The following TAB2 variants were observed in gnomAD, a reference collection of about 807,000 sequenced individuals.
TAB2 encodes TGF-beta-activated kinase 1 and MAP3K7-binding protein 2.
Under a neutral mutation model 65.0 loss-of-function variants are expected in TAB2, and 3 were observed. The observed-to-expected ratio is 0.05, with a 90% CI of 0.02 to 0.12. The LOEUF (loss-of-function observed/expected upper bound fraction) is 0.12. Among genes scored for constraint, TAB2 ranks in the 10% least tolerant of loss-of-function variants. The pLI is 1.00. For missense variants in TAB2, 623 were observed against 840.3 expected (o/e 0.74, Z 3.20); for synonymous variants, 298 against 285.1 (o/e 1.05, Z -0.46).
At chr6:149,389,425 C>G (rs1314602533) in intron 3 of TAB2, among the ~76,000 whole-genome samples, 1 of 151,882 alleles carries the variant, frequency 6.6e-6, no homozygotes, top group Non-Finnish European at 1.5e-5. Flanking sequence ...GCGGGTAGAT[C>G]ACCTGAGGTT....
At chr6:149,300,406 T>C (rs1040007604) in intron 1 of TAB2, among the ~76,000 whole-genome samples, 1 of 152,230 alleles carries the variant, frequency 6.6e-6, no homozygotes, top group Non-Finnish European at 1.5e-5. Context: ...ACTCTGACCT[T>C]GAGCAAGTCA....
Position 149,386,095 on chromosome 6 carries a change from G to C in TAB2, c.1603+6577G>C, listed in dbSNP as rs529108781. On this transcript the variant is annotated intron_variant, in intron 3 of 6. Transcript: ENST00000637181. ...TACACATACGTGTGTGTATATATGT[G>C]TATACACACACTGTTCTTAAAGCAG... is the stretch of plus-strand genomic sequence containing the variant. 7.2e-5 allele frequency among the ~76,000 whole-genome samples: 11 copies of C among 151,982 alleles called. No individual in the cohort carries two copies. The East Asian group carries it at 1.7e-3, about 24-fold the overall frequency.
intron 2 of TAB2, among the ~76,000 whole-genome samples, chr6:149,376,315 G>C (rs904252148): frequency 6.6e-6 from 1 of 152,070 alleles, no homozygotes; most frequent in African/African-American, 2.4e-5. Flanking sequence ...ACTTTCAGTA[G>C]CTCTCCTCAT....
chr6:149,402,354 A>C (rs1002180866), intron 6 of TAB2, among the ~76,000 whole-genome samples: 1 of 152,088 alleles, frequency 6.6e-6, no homozygotes, highest in African/African-American at 2.4e-5. Flanking sequence ...AAAATATCCA[A>C]AAAAAATTGA....
At chr6:149,276,258 T>C (rs544373871) in intron 1 of TAB2, among the ~76,000 whole-genome samples, 7 of 152,320 alleles carry the variant, frequency 4.6e-5, no homozygotes, top group African/African-American at 1.2e-4. Flanking sequence ...AATTGGACAA[T>C]TTATCACAAA....
chr6:149,355,727 C>G (rs978288283), intron 1 of TAB2, among the ~76,000 whole-genome samples: 9 of 151,614 alleles, frequency 5.9e-5, no homozygotes, highest in Non-Finnish European at 1.3e-4. Flanking sequence ...GCATAAATTC[C>G]TAAGAGAGAA....
At chr6:149,294,092 A>T (rs1583069457) in intron 1 of TAB2, among the ~76,000 whole-genome samples, 1 of 152,290 alleles carries the variant, frequency 6.6e-6, no homozygotes, top group East Asian at 1.9e-4. Context: ...AATGGCCTTT[A>T]TTTTGTTTTA....
upstream of TAB2, among the ~76,000 whole-genome samples, chr6:149,316,440 T>C (rs552218110): frequency 6.6e-6 from 1 of 152,218 alleles, no homozygotes; most frequent in East Asian, 1.9e-4. Flanking sequence ...ACACTGGAAA[T>C]AAAAGTATAA....
intron 1 of TAB2, among the ~76,000 whole-genome samples, chr6:149,231,712 C>T (rs1283852445): frequency 3.9e-5 from 6 of 152,270 alleles, no homozygotes; most frequent in African/African-American, 9.6e-5. Context: ...AAAGTATTTT[C>T]GAAATGAGTG....
At chr6:149,280,284 A>G (rs898122872) in intron 1 of TAB2, among the ~76,000 whole-genome samples, 22 of 152,222 alleles carry the variant, frequency 1.4e-4, no homozygotes, top group African/African-American at 4.3e-4. Context: ...GATTTAATAT[A>G]TGGGATGCTC....
At chr6:149,243,424 T>A (rs1777639318) in intron 1 of TAB2, 1 of 152,256 alleles carries the variant, frequency 6.6e-6, no homozygotes, top group African/African-American at 2.4e-5. Context: ...GTCAGAAGTC[T>A]TGATGAATGT....
At chr6:149,406,458 G>C (rs1235873316) in intron 6 of TAB2, among the ~76,000 whole-genome samples, 1 of 152,180 alleles carries the variant, frequency 6.6e-6, no homozygotes, top group Non-Finnish European at 1.5e-5. Flanking sequence ...TCAGGCAGTT[G>C]TTCACATGTC....
At chr6:149,314,507 T>G (rs1320289511), upstream of TAB2, among the ~76,000 whole-genome samples, 3 of 152,220 alleles carry the variant, frequency 2.0e-5, no homozygotes, top group Non-Finnish European at 4.4e-5. Flanking sequence ...TACTCTTGCT[T>G]TTTGCTTCAC....
chr6:149,229,679 G>C (rs913764956), intron 1 of TAB2, among the ~76,000 whole-genome samples: 2 of 152,030 alleles, frequency 1.3e-5, no homozygotes, highest in Non-Finnish European at 2.9e-5. Context: ...GGACCTGGTG[G>C]GCACTGTGGA....
In TAB2 at chr6:149,379,499, T is replaced by C; in HGVS notation, c.1584T>C (p.Asp528=). 3 of 1,614,152 alleles carry C rather than the reference T, an allele frequency of 1.9e-6. No individual in the cohort carries two copies. The highest frequency in any genetic ancestry group is 2.5e-6 in the Non-Finnish European group (3 of 1,180,034). ...CACGGAAACTGAGTATGGGATCTGA[T>C]GATGCTGCCTACACACAAGGTAATA... is the stretch of plus-strand genomic sequence containing the variant. The part of the protein sequence containing the change: ...SETRKLSMGS[D]DAAYTQALLV... Residue 528 remains aspartate, a synonymous_variant, in exon 3 of 7, where the codon GAT becomes GAC. Transcript: ENST00000637181.
At chr6:149,384,753 C>T (rs1254951340) in intron 3 of TAB2, among the ~76,000 whole-genome samples, 2 of 152,078 alleles carry the variant, frequency 1.3e-5, no homozygotes, top group Non-Finnish European at 2.9e-5. Context: ...AGTGGTATAC[C>T]TGTTGTAACA....
chr6:149,400,814 C>T, intron 6 of TAB2: 3 of 992,234 alleles, frequency 3.0e-6, no homozygotes, highest in South Asian at 3.4e-5. Context: ...TCTTTTGTTT[C>T]CCCCTTCCAC....
At chr6:149,332,637 A>AG (rs1779817428) in intron 1 of TAB2, among the ~76,000 whole-genome samples, 1 of 152,174 alleles carries the variant, frequency 6.6e-6, no homozygotes, top group Non-Finnish European at 1.5e-5. Context: ...TGTTGTGGAA[A>AG]GGGTTTGACA....
chr6:149,273,250 C>T (rs1778397622), intron 1 of TAB2, among the ~76,000 whole-genome samples: 1 of 152,130 alleles, frequency 6.6e-6, no homozygotes, highest in Non-Finnish European at 1.5e-5. Flanking sequence ...AGAATGGCAT[C>T]CTTAGATGGT....
Sources: gnomAD v4.1 joint callset for allele counts (sites outside exome capture counted in the v4.1 genomes callset) on GRCh38, gnomAD v4.1.1 for gene constraint, MANE v1.5 for transcripts, NCBI Gene and HGNC (gene_info 2026-07-23, HGNC 2026-07-21) for gene names.